Variants in RBFOX1 observed in about 807,000 individuals in gnomAD.
RBFOX1 encodes RNA binding fox-1 homolog 1.
A neutral mutation model predicts 57.7 loss-of-function variants in RBFOX1; 8 were observed. The ratio of observed to expected loss-of-function variants is 0.14; its 90% CI spans 0.08 to 0.25. RBFOX1 has a LOEUF of 0.25. Among genes scored for constraint, RBFOX1 ranks in the 10% least tolerant of loss-of-function variants. The pLI is 1.00. For missense variants in RBFOX1, 611 were observed against 548.5 expected (o/e 1.11, Z -1.14); for synonymous variants, 326 against 222.4 (o/e 1.47, Z -4.15).
chr16:5,433,125 A>G (rs2067804903), intron 1 of RBFOX1, among the ~76,000 whole-genome samples: 2 of 152,152 alleles, frequency 1.3e-5, no homozygotes, highest in Admixed American at 6.5e-5. Context: ...GTGCAGAGTC[A>G]CTGTTTCTCA....
chr16:7,187,674 A>G (rs1428611333), intron 4 of RBFOX1, among the ~76,000 whole-genome samples: 3 of 133,450 alleles, frequency 2.2e-5, no homozygotes, highest in Non-Finnish European at 4.7e-5. Context: ...GGGCAACAGA[A>G]TGAGACTCTG....
chr16:7,336,582 G>A (rs1483115750), intron 4 of RBFOX1, among the ~76,000 whole-genome samples: 1 of 152,204 alleles, frequency 6.6e-6, no homozygotes, highest in Non-Finnish European at 1.5e-5. Context: ...TCACAATCTA[G>A]TGGAAGAACT....
chr16:6,519,366 T>C (rs1459257009), intron 2 of RBFOX1, among the ~76,000 whole-genome samples: 3 of 152,178 alleles, frequency 2.0e-5, no homozygotes, highest in African/African-American at 4.8e-5. Flanking sequence ...CATGGGGATA[T>C]AGCCCTCCAC....
chr16:7,500,653 G>C (rs541069512), intron 4 of RBFOX1, among the ~76,000 whole-genome samples: 6 of 152,094 alleles, frequency 3.9e-5, no homozygotes, highest in Non-Finnish European at 7.4e-5. Flanking sequence ...GAGTTACCTG[G>C]CTCTCAGCTT....
chr16:6,787,898 TAG>T (rs1379123861), intron 3 of RBFOX1, among the ~76,000 whole-genome samples: 1 of 152,158 alleles, frequency 6.6e-6, no homozygotes, highest in Non-Finnish European at 1.5e-5. Context: ...TTAATATTAA[TAG>T]CCAATCTGTC....
rs111970720 is a variant in RBFOX1 at position 6,694,772 on chromosome 16, C to G, written c.-16+40122C>G. ...AATTCCAGCATTGCCTCTCATTTAACTAATTCAGGGCAAGGGCTTTTCCGT... is the reference window on the plus strand; with the variant it reads ...AATTCCAGCATTGCCTCTCATTTAAGTAATTCAGGGCAAGGGCTTTTCCGT... On this transcript the variant is annotated intron_variant, in intron 3 of 15. Transcript: ENST00000550418. Among the ~76,000 whole-genome samples, 383 of 152,300 alleles carry G rather than the reference C, an allele frequency of 2.5e-3. 2 individuals carry two copies. The highest frequency in any genetic ancestry group is 8.8e-3 in the African/African-American group (366 of 41,556).
chr16:6,266,191 G>C (rs958695570), intron 1 of RBFOX1, among the ~76,000 whole-genome samples: 2 of 152,100 alleles, frequency 1.3e-5, no homozygotes, highest in African/African-American at 4.8e-5. Context: ...TATCAGCCTG[G>C]ACCCTTGAGA....
At chr16:5,866,965 CTT>C (rs1168320201) in intron 3 of RBFOX1, among the ~76,000 whole-genome samples, 2 of 152,140 alleles carry the variant, frequency 1.3e-5, no homozygotes, top group African/African-American at 4.8e-5. Context: ...TCTTCAGTGC[CTT>C]TGTTTTCTTT....
chr16:5,600,580 A>C (rs1011175468), downstream of RBFOX1, among the ~76,000 whole-genome samples: 1 of 151,706 alleles, frequency 6.6e-6, no homozygotes, highest in African/African-American at 2.4e-5. Context: ...TTTATGCACC[A>C]AGCTATACTG....
Position 5,963,395 on chromosome 16 carries a change from T to C in RBFOX1, c.351+96060T>C, listed in dbSNP as rs148489737. Among the ~76,000 whole-genome samples the C allele has an allele frequency of 5.2e-4, 79 of 152,266 alleles. 2 individuals carry two copies. Among genetic ancestry groups the C allele is most frequent in the African/African-American group, 1.8e-3 (75 of 41,536 alleles). ...TATACGCCAGGTTTAAACCATCAGG[T>C]TGTACACACAGAAAAAATCCAAAGT... On this transcript the variant is annotated intron_variant, in intron 4 of 19. Transcript: ENST00000641259.
chr16:7,548,663 T>A lies in RBFOX1; in HGVS notation c.270+30274T>A, dbSNP rs567721188. ...GGGGCAGTCAAACAAGTCCAAAGCT[T>A]CTCGCCTCCAGCCAGTTTCGGCTGC... On this transcript the variant is annotated intron_variant, in intron 5 of 15. Coordinates refer to ENST00000550418, the MANE Select transcript of RBFOX1 (RefSeq NM_018723.4). Among the ~76,000 whole-genome samples, 4 of 152,276 alleles carry A rather than the reference T, an allele frequency of 2.6e-5. No individual in the cohort carries two copies. In the South Asian group the frequency reaches 8.3e-4, roughly 32 times the overall value.
chr16:5,412,904 G>A (rs111418204), intron 1 of RBFOX1, among the ~76,000 whole-genome samples: 2,299 of 152,240 alleles, frequency 0.015, 22 homozygotes, highest in South Asian at 0.022. Context: ...AGCGAGAGGC[G>A]CCACCCACCC....
At chr16:6,827,742 T>A (rs924938672) in intron 3 of RBFOX1, among the ~76,000 whole-genome samples, 14 of 152,134 alleles carry the variant, frequency 9.2e-5, no homozygotes, top group Admixed American at 8.5e-4. Context: ...CCTACATGGA[T>A]CTCCGGTCAC....
intron 3 of RBFOX1, among the ~76,000 whole-genome samples, chr16:6,987,495 A>ACACG (rs1452971970): frequency 7.0e-6 from 1 of 143,532 alleles, no homozygotes; most frequent in Non-Finnish European, 1.5e-5. Context: ...ACACACACAC[A>ACACG]CACACACACA....
chr16:6,740,519 G>A (rs1052652246), intron 3 of RBFOX1, among the ~76,000 whole-genome samples: 1 of 152,138 alleles, frequency 6.6e-6, no homozygotes, highest in African/African-American at 2.4e-5. Context: ...CACATTTTGT[G>A]GACTGACAAG....
intron 4 of RBFOX1, among the ~76,000 whole-genome samples, chr16:7,315,467 C>T (rs1437512405): frequency 6.7e-6 from 1 of 149,898 alleles, no homozygotes; most frequent in Non-Finnish European, 1.5e-5. Context: ...CCCCCCCCCC[C>T]ATACTGGGGG....
At chr16:5,530,957 A>C (rs967441560) in intron 2 of RBFOX1, among the ~76,000 whole-genome samples, 1 of 94,070 alleles carries the variant, frequency 1.1e-5, no homozygotes, top group African/African-American at 6.1e-5. Context: ...AAAAAAAAAA[A>C]AAAAAAAAAA....
intron 1 of RBFOX1, among the ~76,000 whole-genome samples, chr16:5,276,171 A>C (rs2063136302): frequency 6.6e-6 from 1 of 152,240 alleles, no homozygotes; most frequent in African/African-American, 2.4e-5. Context: ...AATGAAAACA[A>C]AGATAAATAG....
chr16:6,191,214 G>A (rs1276039632), intron 1 of RBFOX1, among the ~76,000 whole-genome samples: 1 of 151,236 alleles, frequency 6.6e-6, no homozygotes, highest in Admixed American at 6.6e-5. Context: ...ATTGGGCTGG[G>A]CAGTATTTTC....
Sources: gnomAD v4.1 joint callset for allele counts (sites outside exome capture counted in the v4.1 genomes callset) on GRCh38, gnomAD v4.1.1 for gene constraint, MANE v1.5 for transcripts, NCBI Gene and HGNC (gene_info 2026-07-23, HGNC 2026-07-21) for gene names.